TRMT61B: variants seen among roughly 807,000 people sequenced by gnomAD.
The protein encoded by TRMT61B is tRNA (adenine(58)-N(1))-methyltransferase, mitochondrial.
A neutral mutation model predicts 52.0 loss-of-function variants in TRMT61B; 56 were observed. The ratio of observed to expected loss-of-function variants is 1.08; its 90% CI spans 0.87 to 1.35. The LOEUF is 1.35. TRMT61B is among the 40% of genes most tolerant of loss of function. The pLI, the probability that TRMT61B is intolerant of heterozygous loss-of-function variation, is 0.00. For synonymous variants in TRMT61B, 206 were observed against 220.0 expected, an observed-to-expected ratio of 0.94 and a Z score of 0.56; for missense variants, 650 against 577.9, an observed-to-expected ratio of 1.12 and a Z score of -1.28.
chr2:28,866,608 C>T (rs914255619), intron 1 of TRMT61B, among the ~76,000 whole-genome samples: 4 of 152,056 alleles, frequency 2.6e-5, no homozygotes, highest in South Asian at 2.1e-4. Flanking sequence ...CTGTGTGGCC[C>T]GGTTCCCTGT....
rs754170571 is a variant in TRMT61B at position 28,850,087 on chromosome 2, A to G, written c.*112T>C. On this transcript the variant is annotated 3_prime_UTR_variant, in exon 7 of 7. Coordinates refer to ENST00000306108, the MANE Select transcript of TRMT61B (RefSeq NM_017910.4). ...TTTCAAAATTATATGTATAAGTTAT[A>G]TAAGTCATAGTAATAGCTAAAAATG... 1.5e-5 allele frequency: 18 copies of G among 1,182,928 alleles called. No individual in the cohort carries two copies. Among genetic ancestry groups the G allele is most frequent in the Admixed American group, 4.5e-5 (2 of 44,938 alleles). The allele number at this position is 1,182,928 out of a possible 1,614,324, so 73.3% of individuals were successfully genotyped here.
chr2:28,856,881 C>T (rs1669368287), intron 3 of TRMT61B, among the ~76,000 whole-genome samples: 3 of 152,068 alleles, frequency 2.0e-5, no homozygotes, highest in South Asian at 2.1e-4. Context: ...ATGATCCGCC[C>T]GCCTTGGCCT....
intron 2 of TRMT61B, among the ~76,000 whole-genome samples, chr2:28,863,645 T>C (rs191401247): frequency 5.3e-5 from 8 of 152,262 alleles, no homozygotes; most frequent in African/African-American, 1.9e-4. Context: ...ACCGTGCAGT[T>C]AGGAATTTGT....
chr2:28,862,373 C>T (rs1669644988), intron 2 of TRMT61B, among the ~76,000 whole-genome samples: 1 of 129,392 alleles, frequency 7.7e-6, no homozygotes, highest in Non-Finnish European at 1.6e-5. Flanking sequence ...CACTCTGTCA[C>T]GCAGGTTGGA....
chr2:28,863,828 T>G (rs1669713468), intron 2 of TRMT61B, among the ~76,000 whole-genome samples: 1 of 152,174 alleles, frequency 6.6e-6, no homozygotes, highest in Non-Finnish European at 1.5e-5. Flanking sequence ...CATATTTCTA[T>G]CTGTAATCTT....
At chr2:28,864,579 G>A (rs1669748005) in intron 2 of TRMT61B, among the ~76,000 whole-genome samples, 1 of 152,126 alleles carries the variant, frequency 6.6e-6, no homozygotes, top group Non-Finnish European at 1.5e-5. Flanking sequence ...CACAATAGTG[G>A]TTTCCTTTGG....
chr2:28,863,085 T>G (rs1572549604), intron 2 of TRMT61B, among the ~76,000 whole-genome samples: 1 of 152,230 alleles, frequency 6.6e-6, no homozygotes, highest in Middle Eastern at 3.4e-3. Context: ...AAGGTATCTT[T>G]TGAAATGTAA....
chr2:28,851,342 C>T, intron 4 of TRMT61B, 44 bp from the exon 5 acceptor site: 2 of 1,323,250 alleles, frequency 1.5e-6, no homozygotes, highest in East Asian at 2.5e-5. Context: ...AAAATAATAA[C>T]ATTATATTTA....
chr2:28,856,640 A>T (rs183198168), intron 3 of TRMT61B, among the ~76,000 whole-genome samples: 2,354 of 147,266 alleles, frequency 0.016, 33 homozygotes, highest in Middle Eastern at 0.042. Context: ...ATTTAATTAA[A>T]TTTTTTTTTT....
chr2:28,868,124 C>T (rs988920262), intron 1 of TRMT61B, among the ~76,000 whole-genome samples: 1 of 152,060 alleles, frequency 6.6e-6, no homozygotes, highest in Admixed American at 6.6e-5. Context: ...CTGGGTAGAC[C>T]GTTTAAAATA....
chr2:28,869,505 T>C, intron 1 of TRMT61B, 74 bp downstream of exon 1: 1 of 1,011,172 alleles, frequency 9.9e-7, no homozygotes, highest in South Asian at 1.6e-5. Context: ...TTTGAATACA[T>C]TAATCAGGAC....
intron 3 of TRMT61B, among the ~76,000 whole-genome samples, chr2:28,855,310 G>A (rs963313294): frequency 6.6e-6 from 1 of 152,180 alleles, no homozygotes; most frequent in African/African-American, 2.4e-5. Context: ...CTATTTTTGT[G>A]TGTGGTAAAA....
At chr2:28,855,615 G>A (rs569969368) in intron 3 of TRMT61B, among the ~76,000 whole-genome samples, 2 of 152,280 alleles carry the variant, frequency 1.3e-5, no homozygotes, top group South Asian at 4.1e-4. Flanking sequence ...ATTATGGGAG[G>A]AGCAAGCTTG....
chr2:28,866,451 A>T (rs907672144), intron 1 of TRMT61B, among the ~76,000 whole-genome samples: 2 of 152,222 alleles, frequency 1.3e-5, no homozygotes, highest in African/African-American at 2.4e-5. Flanking sequence ...ATCAGGCATT[A>T]GTTAGTTTCT....
intron 3 of TRMT61B, among the ~76,000 whole-genome samples, chr2:28,855,437 A>G (rs923719628): frequency 2.0e-5 from 3 of 152,202 alleles, no homozygotes; most frequent in Non-Finnish European, 4.4e-5. Flanking sequence ...GGCTTGTAAT[A>G]GCAAAGAGCA....
chr2:28,851,106 T>A lies in TRMT61B; in HGVS notation c.1278A>T (p.Gly426=). Residue 426 remains glycine (G), a synonymous_variant, in exon 5 of 7, where the codon GGA becomes GGT. Transcript: ENST00000306108. ...DVQLDSQEKI[G]VKGELFQEDD... is the part of the protein sequence containing the mutation. ...CCTCTTGAAACAGCTCACCTTTAAC[T>A]CCAATTTTCTCTTGAGAATCTAGTT... 1 of 1,610,728 alleles carries A rather than the reference T, an allele frequency of 6.2e-7. No individual in the cohort carries two copies. Among genetic ancestry groups the A allele is most frequent in the Non-Finnish European group, 8.5e-7 (1 of 1,178,912 alleles).
intron 3 of TRMT61B, among the ~76,000 whole-genome samples, chr2:28,858,206 A>G (rs1351117350): frequency 6.6e-6 from 1 of 151,774 alleles, no homozygotes; most frequent in Non-Finnish European, 1.5e-5. Context: ...AGGCCCGGCT[A>G]ATTTTTTGTA....
intron 3 of TRMT61B, among the ~76,000 whole-genome samples, chr2:28,859,478 G>C (rs1174540227): frequency 1.3e-5 from 2 of 152,238 alleles, no homozygotes; most frequent in South Asian, 4.1e-4. Flanking sequence ...ACGTTCTTAA[G>C]AAAAGGAAAT....
In TRMT61B at chr2:28,869,836, C is replaced by T. The variant is rs567034499; in HGVS notation, c.442G>A (p.Glu148Lys). 3 of 1,614,056 alleles carry T rather than the reference C, an allele frequency of 1.9e-6. No individual in the cohort carries two copies. In the East Asian group the frequency reaches 6.7e-5, roughly 36 times the overall value. ...HVSPSCSTSR[E>K]RPFQAGELIL... ...AGTTCCCCAGCCTGAAAGGGTCTCTCTCTGGAAGTTGAACAAGAAGGGGAG... is the reference window on the plus strand; with the variant it reads ...AGTTCCCCAGCCTGAAAGGGTCTCTTTCTGGAAGTTGAACAAGAAGGGGAG... The change falls in exon 1 of 7, where the codon GAG becomes AAG. Residue 148 changes from glutamate to lysine, a missense_variant. Physicochemically the swap from Glu to Lys is moderately conservative, Grantham distance 56. Transcript: ENST00000306108.
Sources: allele counts gnomAD v4.1 joint callset (sites outside exome capture counted in the v4.1 genomes callset), GRCh38; gene constraint gnomAD v4.1.1; transcripts MANE v1.5; gene names NCBI Gene and HGNC (gene_info 2026-07-23, HGNC 2026-07-21).